The following TREML4 variants were observed in gnomAD, a reference collection of about 807,000 sequenced individuals.
TREML4 encodes the protein trem-like transcript 4 protein.
TREML4 carries 25 observed loss-of-function variants against 25.4 expected under a neutral mutation model. The ratio of observed to expected loss-of-function variants is 0.98; its 90% CI spans 0.72 to 1.37. The LOEUF (loss-of-function observed/expected upper bound fraction) is 1.37. TREML4 is among the 40% of genes most tolerant of loss of function. The pLI is 0.00. For missense variants in TREML4, 268 were observed against 236.5 expected (o/e 1.13, Z -0.87); for synonymous variants, 92 against 87.9 (o/e 1.05, Z -0.26).
At chr6:41,236,859 A>G (rs1199188720) in intron 5 of TREML4, among the ~76,000 whole-genome samples, 196 bp from the exon 6 acceptor site, 1 of 152,022 alleles carries the variant, frequency 6.6e-6, no homozygotes, top group African/African-American at 2.4e-5. Context: ...GAGAGGAAAA[A>G]GACCAGGAGG....
In TREML4 at chr6:41,228,864, C is replaced by T. The variant is rs1445365815; in HGVS notation, c.214C>T (p.Pro72Ser). The T allele has an allele frequency of 5.6e-6, 9 of 1,614,146 alleles. No individual in the cohort carries two copies. The highest frequency in any genetic ancestry group is 2.2e-5 in the East Asian group (1 of 44,882). Reference protein sequence around the residue: ...RCTLLVTSSKPWTAVQKSHYT... With the variant: ...RCTLLVTSSKSWTAVQKSHYT... ...TACCTTACTTGTCACCAGCTCCAAG[C>T]CCTGGACAGCAGTTCAGAAGTCTCA... The change falls in exon 2 of 6, where the codon CCC becomes TCC. Residue 72 changes from proline to serine, a missense_variant. Coordinates refer to ENST00000341495, the MANE Select transcript of TREML4 (RefSeq NM_198153.3).
rs749306403 is a variant in TREML4, at chr6:41,229,562, A to G, written c.436A>G (p.Thr146Ala). Reference sequence around the variant, plus strand: ...TATGTGGACTCTTCCCTGGCTCCCAACAAGCACAGGTAGGTTGGAGGCCTC... The same window carrying G: ...TATGTGGACTCTTCCCTGGCTCCCAGCAAGCACAGGTAGGTTGGAGGCCTC... The part of the protein sequence containing the change: ...SPMWTLPWLP[T>A]STVLITSPEG... The change falls in exon 3 of 6, where the codon ACA becomes GCA. Residue 146 changes from threonine (T) to alanine (A), a missense_variant. By Grantham distance (58) the Thr-to-Ala change is moderately conservative. Transcript: ENST00000341495. The G allele has an allele frequency of 1.1e-5, 18 of 1,613,666 alleles. No homozygotes were observed. In the Middle Eastern group the frequency reaches 4.9e-4, roughly 44 times the overall value.
chr6:41,231,220 T>C, intron 4 of TREML4: 1 of 224,606 alleles, frequency 4.5e-6, no homozygotes, highest in Admixed American at 4.1e-5. Context: ...GCTTTAATCA[T>C]CCTGAAACCA....
At chr6:41,229,952 T>G in intron 3 of TREML4, 110 bp from the exon 4 acceptor site, 1 of 925,478 alleles carries the variant, frequency 1.1e-6, no homozygotes. Flanking sequence ...TGAGGGACCC[T>G]TAGGGGCTGC....
intron 2 of TREML4, 68 bp downstream of exon 2, chr6:41,229,112 C>T (rs974892331): frequency 2.2e-6 from 3 of 1,364,518 alleles, no homozygotes; most frequent in African/African-American, 2.9e-5. Flanking sequence ...TGTCATGCAC[C>T]CCCTCCCATG....
At chr6:41,229,149 T>TC in intron 2 of TREML4, 105 bp downstream of exon 2, 3 of 1,064,014 alleles carry the variant, frequency 2.8e-6, no homozygotes, top group Non-Finnish European at 4.1e-6. Flanking sequence ...TCCTGCCAGG[T>TC]ATTCTGCTGT....
chr6:41,233,416 A>G (rs1382532638), intron 4 of TREML4, among the ~76,000 whole-genome samples: 1 of 152,204 alleles, frequency 6.6e-6, no homozygotes, highest in Non-Finnish European at 1.5e-5. Flanking sequence ...CTATTAGGAA[A>G]CAAAATAAAC....
chr6:41,235,487 T>C (rs1438289707), intron 4 of TREML4, among the ~76,000 whole-genome samples: 1 of 152,172 alleles, frequency 6.6e-6, no homozygotes, highest in Non-Finnish European at 1.5e-5. Context: ...GGCTGCCAGA[T>C]ACAAAATCAA....
At chr6:41,236,007 G>A (rs376672926) in intron 4 of TREML4, among the ~76,000 whole-genome samples, 1 of 152,148 alleles carries the variant, frequency 6.6e-6, no homozygotes, top group South Asian at 2.1e-4. Flanking sequence ...GAGGGGATGA[G>A]GGAGGACCCC....
rs1490294618 is a variant in TREML4, at chr6:41,228,486, C to T, written c.59C>T (p.Pro20Leu). ...CACCTGTGCTGCTGCTGCTCCTGGC[C>T]TCAGGTGACATGGAGGGAAAGAGTG... ...CFHLCCCCSW[P>L]QGAVPEELHK... The change falls in exon 1 of 6, where the codon CCT becomes CTT. Residue 20 changes from proline (P) to leucine (L), a missense_variant. Pro to Leu is a moderately conservative substitution (Grantham distance 98). Transcript: ENST00000341495. 1.2e-6 allele frequency: 2 copies of T among 1,612,622 alleles called. No individual in the cohort carries two copies. The highest frequency in any genetic ancestry group is 2.7e-5 in the African/African-American group (2 of 74,872).
intron 4 of TREML4, 39 bp downstream of exon 4, chr6:41,230,161 G>A (rs147810984): frequency 6.5e-7 from 1 of 1,528,454 alleles, no homozygotes; most frequent in East Asian, 2.3e-5. Context: ...GAGGTCTTGG[G>A]AAGGGAGGGC....
intron 4 of TREML4, among the ~76,000 whole-genome samples, chr6:41,233,000 G>A (rs1188078163): frequency 1.3e-5 from 2 of 152,150 alleles, no homozygotes; most frequent in African/African-American, 4.8e-5. Flanking sequence ...GGGGTGAGAA[G>A]GAGAGACCAG....
At chr6:41,228,538 A>T in intron 1 of TREML4, 48 bp downstream of exon 1, 2 of 1,586,346 alleles carry the variant, frequency 1.3e-6, no homozygotes, top group East Asian at 2.2e-5. Context: ...TGGGATGAAG[A>T]ATGAGTGGGG....
Position 41,230,161 on chromosome 6 carries a change from G to C in TREML4, c.506+39G>C, listed in dbSNP as rs147810984. 2.7e-4 allele frequency: 419 copies of C among 1,528,454 alleles called. No individual in the cohort carries two copies. The African/African-American group carries it at 4.4e-3, about 16-fold the overall frequency. The allele number at this position is 1,528,454 out of a possible 1,614,324, so 94.7% of individuals were successfully genotyped here. On this transcript the variant is annotated intron_variant, in intron 4 of 5. Transcript: ENST00000341495. The stretch of plus-strand genomic sequence containing the variant: ...TTTAACACTGGGAGGGAGGTCTTGG[G>C]AAGGGAGGGCCTGATTAGCTCCTGA...
chr6:41,229,892 A>G (rs1347248595), intron 3 of TREML4, among the ~76,000 whole-genome samples, 170 bp from the exon 4 acceptor site: 3 of 152,124 alleles, frequency 2.0e-5, no homozygotes, highest in African/African-American at 7.2e-5. Context: ...ACAGTGCCAG[A>G]CTTGACTTCA....
chr6:41,235,393 C>G (rs1766875098), intron 4 of TREML4, among the ~76,000 whole-genome samples: 1 of 152,178 alleles, frequency 6.6e-6, no homozygotes, highest in African/African-American at 2.4e-5. Flanking sequence ...GAAAAACTGT[C>G]ATGACTTGCA....
At chr6:41,231,059 G>C (rs185928266) in intron 4 of TREML4, 46 of 415,524 alleles carry the variant, frequency 1.1e-4, no homozygotes, top group Non-Finnish European at 2.1e-4. Context: ...ATCTGTCACT[G>C]TCTCCCATCA....
Position 41,228,486 on chromosome 6 carries a change from C to A in TREML4, c.59C>A (p.Pro20His), listed in dbSNP as rs1490294618. The A allele has an allele frequency of 1.2e-6, 2 of 1,612,622 alleles. No individual in the cohort carries two copies. Among genetic ancestry groups the A allele is most frequent in the African/African-American group, 2.7e-5 (2 of 74,872 alleles). Residue 20 changes from proline to histidine, a missense_variant, in exon 1 of 6, where the codon CCT becomes CAT. By Grantham distance (77) the Pro-to-His change is moderately conservative. Transcript: ENST00000341495. ...CACCTGTGCTGCTGCTGCTCCTGGC[C>A]TCAGGTGACATGGAGGGAAAGAGTG... is the stretch of plus-strand genomic sequence containing the variant. ...CFHLCCCCSW[P>H]QGAVPEELHK...
chr6:41,229,542 G>A lies in TREML4; in HGVS notation c.416G>A (p.Trp139Ter), dbSNP rs147876079. ...VSPAPTTSPM[W>*]TLPWLPTSTV... ...TTAGCCCCAACCACGTCTCCTATGT[G>A]GACTCTTCCCTGGCTCCCAACAAGC... Residue 139 changes from tryptophan (W) to a stop codon, truncating the protein, a stop_gained, in exon 3 of 6, where the codon TGG becomes TAG. Coordinates refer to ENST00000341495, the MANE Select transcript of TREML4 (RefSeq NM_198153.3). LOFTEE classifies it high-confidence loss of function. 6 of 1,613,670 alleles carry A rather than the reference G, an allele frequency of 3.7e-6. No homozygotes were observed. In the African/African-American group the frequency reaches 8.0e-5, roughly 22 times the overall value.
Sources: allele counts gnomAD v4.1 joint callset (sites outside exome capture counted in the v4.1 genomes callset), GRCh38; gene constraint gnomAD v4.1.1; transcripts MANE v1.5; gene names NCBI Gene and HGNC (gene_info 2026-07-23, HGNC 2026-07-21).